Variants in LRMDA observed in about 807,000 individuals in gnomAD.
LRMDA encodes leucine rich melanocyte differentiation associated.
In LRMDA, 18 loss-of-function variants were observed where a neutral mutation model predicts 29.8. That is an observed-to-expected ratio of 0.60 (90% confidence interval 0.42 to 0.90). The LOEUF (loss-of-function observed/expected upper bound fraction) is 0.90, where lower values mean the gene tolerates loss of function less well. LRMDA is among the 40% of genes least tolerant of loss of function. The pLI is 0.00. For synonymous variants in LRMDA, 125 were observed against 109.4 expected (o/e 1.14, Z -0.89); for missense variants, 273 against 273.9 (o/e 1.00, Z 0.02).
At chr10:75,955,621 G>A (rs569447092) in intron 2 of LRMDA, among the ~76,000 whole-genome samples, 7 of 152,284 alleles carry the variant, frequency 4.6e-5, no homozygotes, top group East Asian at 1.9e-4. Context: ...CTCTATTTCT[G>A]CATTAATGTA....
chr10:75,917,238 G>A (rs975114396), intron 2 of LRMDA, among the ~76,000 whole-genome samples: 3 of 152,180 alleles, frequency 2.0e-5, no homozygotes, highest in Non-Finnish European at 4.4e-5. Flanking sequence ...GCTCCCCAGT[G>A]TATGTGTGGC....
At chr10:75,773,508 G>A (rs1460860084) in intron 2 of LRMDA, among the ~76,000 whole-genome samples, 2 of 152,168 alleles carry the variant, frequency 1.3e-5, no homozygotes, top group African/African-American at 4.8e-5. Flanking sequence ...CGAGCCCCTG[G>A]GGGACGCCAA....
At chr10:76,500,254 C>A (rs115276590) in intron 6 of LRMDA, among the ~76,000 whole-genome samples, 796 of 75,786 alleles carry the variant, frequency 0.011, 222 homozygotes, top group African/African-American at 0.025. Flanking sequence ...ATAGAAATCA[C>A]CCTTATTTCA....
At chr10:76,018,929 T>A (rs1233223640) in intron 2 of LRMDA, among the ~76,000 whole-genome samples, 1 of 152,170 alleles carries the variant, frequency 6.6e-6, no homozygotes, top group Non-Finnish European at 1.5e-5. Context: ...ATCTTACAGA[T>A]TTTAAATGTT....
At position 75,973,021 on chromosome 10, in the gene LRMDA, A is replaced by ACAGCAGCAG. The variant is rs3042539; in HGVS notation, c.132-62943_132-62935dup. 6.2e-3 allele frequency among the ~76,000 whole-genome samples: 920 copies of ACAGCAGCAG among 148,962 alleles called. 7 individuals carry two copies. Among genetic ancestry groups the ACAGCAGCAG allele is most frequent in the Middle Eastern group, 0.01 (3 of 292 alleles). On this transcript the variant is annotated intron_variant, in intron 2 of 6. Coordinates refer to ENST00000611255, the MANE Select transcript of LRMDA (RefSeq NM_001305581.2). ...CTTTCAGGACAAAACCACTTTAACA[A>ACAGCAGCAG]CAGCAGCAGCAGCAGCAGCAGCAGC... is the stretch of plus-strand genomic sequence containing the variant.
intron 5 of LRMDA, among the ~76,000 whole-genome samples, chr10:76,095,016 A>C (rs542553131): frequency 6.6e-6 from 1 of 152,200 alleles, no homozygotes; most frequent in East Asian, 1.9e-4. Context: ...CTTAGTGTAG[A>C]GTTCCATGAA....
chr10:76,046,145 C>G (rs946653442), intron 3 of LRMDA, among the ~76,000 whole-genome samples: 4 of 151,886 alleles, frequency 2.6e-5, no homozygotes, highest in African/African-American at 9.7e-5. Context: ...TTAACCCTCT[C>G]TCATATGTCT....
At position 76,068,858 on chromosome 10, in the gene LRMDA, G is replaced by A. The variant is rs1021580496; in HGVS notation, c.516+10075G>A. The stretch of plus-strand genomic sequence containing the variant: ...CCTAGGCAAGTACCAGCATGCAGTA[G>A]CACGCAAGTAATGGCACCCCGTTCC... On this transcript the variant is annotated intron_variant, in intron 5 of 6. Transcript: ENST00000611255. Among the ~76,000 whole-genome samples, 3 of 152,212 alleles carry A rather than the reference G, an allele frequency of 2.0e-5. No individual in the cohort carries two copies. The South Asian group carries it at 6.2e-4, about 32-fold the overall frequency.
intron 2 of LRMDA, among the ~76,000 whole-genome samples, chr10:75,539,067 A>G (rs1431143720): frequency 6.6e-6 from 1 of 152,204 alleles, no homozygotes; most frequent in Non-Finnish European, 1.5e-5. Flanking sequence ...TACATATCGT[A>G]TGGTTTAAAA....
chr10:76,244,201 G>A (rs1316267260), intron 5 of LRMDA, among the ~76,000 whole-genome samples: 1 of 152,084 alleles, frequency 6.6e-6, no homozygotes, highest in African/African-American at 2.4e-5. Flanking sequence ...GTAAAAGTTG[G>A]GTTATTACAC....
chr10:75,602,099 G>A (rs1202529525), intron 2 of LRMDA, among the ~76,000 whole-genome samples: 1 of 152,140 alleles, frequency 6.6e-6, no homozygotes, highest in African/African-American at 2.4e-5. Flanking sequence ...TGTGCCTCAT[G>A]TTTGCTGCTA....
chr10:76,074,499 A>G (rs1297008037), intron 5 of LRMDA, among the ~76,000 whole-genome samples: 5 of 152,120 alleles, frequency 3.3e-5, no homozygotes, highest in African/African-American at 7.2e-5. Context: ...TGGGAAGACA[A>G]ATGGCCTGTT....
chr10:75,946,276 A>C (rs1481969531), intron 2 of LRMDA, among the ~76,000 whole-genome samples: 1 of 152,148 alleles, frequency 6.6e-6, no homozygotes, highest in African/African-American at 2.4e-5. Flanking sequence ...TAAGGTTACC[A>C]ATTCTCCGCT....
At chr10:76,379,607 C>G (rs1841565552) in intron 6 of LRMDA, among the ~76,000 whole-genome samples, 1 of 152,000 alleles carries the variant, frequency 6.6e-6, no homozygotes, top group Non-Finnish European at 1.5e-5. Context: ...ACTTTTCTCT[C>G]TTTTTTCTTG....
At chr10:75,901,086 A>G (rs148492169) in intron 2 of LRMDA, among the ~76,000 whole-genome samples, 15 of 152,314 alleles carry the variant, frequency 9.8e-5, no homozygotes, top group African/African-American at 2.2e-4. Flanking sequence ...AGGGAGACAG[A>G]GAGGGAAAGG....
intron 2 of LRMDA, among the ~76,000 whole-genome samples, chr10:75,521,032 T>C (rs750221023): frequency 5.3e-5 from 8 of 152,162 alleles, no homozygotes; most frequent in Non-Finnish European, 8.8e-5. Context: ...GAACAGTAAA[T>C]ATTGCAGAAC....
intron 2 of LRMDA, among the ~76,000 whole-genome samples, chr10:75,914,067 A>G (rs11001547): frequency 0.093 from 14,191 of 152,256 alleles, 848 homozygotes; most frequent in African/African-American, 0.16. Context: ...GCAGAGGTTT[A>G]CGAAATGAAG....
chr10:76,279,205 C>T (rs1407603833), intron 5 of LRMDA, among the ~76,000 whole-genome samples: 1 of 152,120 alleles, frequency 6.6e-6, no homozygotes, highest in East Asian at 1.9e-4. Context: ...TAGAGTTTGA[C>T]CAATTATAGC....
chr10:75,696,545 A>T (rs1842237227), intron 2 of LRMDA, among the ~76,000 whole-genome samples: 2 of 152,244 alleles, frequency 1.3e-5, no homozygotes, highest in South Asian at 4.1e-4. Context: ...TGAACATAAA[A>T]ATAGTGTTAT....
Sources: gnomAD v4.1 joint callset for allele counts (sites outside exome capture counted in the v4.1 genomes callset) on GRCh38, gnomAD v4.1.1 for gene constraint, MANE v1.5 for transcripts, NCBI Gene and HGNC (gene_info 2026-07-23, HGNC 2026-07-21) for gene names.